MCTP2: variants seen among roughly 807,000 people sequenced by gnomAD.
MCTP2 encodes multiple C2 and transmembrane domain containing 2.
In MCTP2, 132 loss-of-function variants were observed where a neutral mutation model predicts 111.6. The observed-to-expected ratio is 1.18, with a 90% CI of 1.03 to 1.37. MCTP2 has a LOEUF of 1.37. MCTP2 is among the 40% of genes most tolerant of loss of function. The pLI is 0.00. For synonymous variants in MCTP2, 395 were observed against 387.7 expected (o/e 1.02, Z -0.22); for missense variants, 1,183 against 1,067.9 (o/e 1.11, Z -1.50).
intron 17 of MCTP2, among the ~76,000 whole-genome samples, chr15:94,415,231 G>A (rs545893164): frequency 6.6e-6 from 1 of 152,252 alleles, no homozygotes; most frequent in African/African-American, 2.4e-5. Flanking sequence ...TAAACAGTCA[G>A]GAAAGGTGAC....
chr15:94,402,560 A>G (rs1340312067), intron 17 of MCTP2: 1 of 1,551,678 alleles, frequency 6.4e-7, no homozygotes, highest in South Asian at 1.2e-5. Context: ...CCTTATGAGC[A>G]TAATAAAATC....
chr15:94,243,316 C>CGT (rs1369386214), intron 1 of MCTP2, among the ~76,000 whole-genome samples: 4 of 128,574 alleles, frequency 3.1e-5, no homozygotes, highest in Non-Finnish European at 5.2e-5. Flanking sequence ...CATACGTATG[C>CGT]GTACATACGT....
At chr15:94,360,806 C>G (rs2078888662) in intron 10 of MCTP2, among the ~76,000 whole-genome samples, 1 of 150,772 alleles carries the variant, frequency 6.6e-6, no homozygotes, top group African/African-American at 2.4e-5. Context: ...AGACATATAC[C>G]TGTCTTGGTG....
At chr15:94,476,877 T>G in intron 22 of MCTP2, 84 bp downstream of exon 22, 1 of 793,166 alleles carries the variant, frequency 1.3e-6, no homozygotes, top group Non-Finnish European at 2.1e-6. Flanking sequence ...AAGGCTTTGC[T>G]TGTGTGAGTA....
chr15:94,363,019 A>G (rs1596475869), intron 10 of MCTP2, among the ~76,000 whole-genome samples: 1 of 152,334 alleles, frequency 6.6e-6, no homozygotes, highest in African/African-American at 2.4e-5. Flanking sequence ...TAAATCTAAG[A>G]GGCACCTAGT....
At chr15:94,451,770 T>G (rs1457955027) in intron 19 of MCTP2, among the ~76,000 whole-genome samples, 1 of 152,220 alleles carries the variant, frequency 6.6e-6, no homozygotes, top group Non-Finnish European at 1.5e-5. Flanking sequence ...CTGCAGACGA[T>G]CTTTCATACA....
chr15:94,446,419 A>T (rs1567723897), intron 19 of MCTP2, among the ~76,000 whole-genome samples: 1 of 152,316 alleles, frequency 6.6e-6, no homozygotes, highest in East Asian at 1.9e-4. Context: ...GAATCCTTCC[A>T]TGTGGACCTT....
At chr15:94,261,119 C>G (rs577228898) in intron 1 of MCTP2, among the ~76,000 whole-genome samples, 1 of 152,138 alleles carries the variant, frequency 6.6e-6, no homozygotes, top group Non-Finnish European at 1.5e-5. Context: ...CCTCACCACC[C>G]ACCCCTGCTT....
rs767922559 is a variant in MCTP2, at chr15:94,356,227, A to T, written c.1096A>T (p.Lys366Ter). 2.5e-6 allele frequency: 4 copies of T among 1,613,504 alleles called. No homozygotes were observed. The African/African-American group carries it at 5.3e-5, about 22-fold the overall frequency. ...GIISITLLEG[K>*]NVSGGSMTEM... is the part of the protein sequence containing the mutation. ...TATAAGTATAACTTTGTTGGAAGGG[A>T]AGAATGTCTCAGGAGGAAGCATGAC... The change falls in exon 9 of 23, where the codon AAG (lysine) becomes TAG (stop). Residue 366 changes from lysine (K) to a stop codon, truncating the protein, a stop_gained. Coordinates refer to ENST00000357742, the MANE Select transcript of MCTP2 (RefSeq NM_001385001.1). LOFTEE classifies it high-confidence loss of function.
chr15:94,311,027 T>TA (rs150996990), intron 2 of MCTP2, among the ~76,000 whole-genome samples: 23,937 of 149,146 alleles, frequency 0.16, 2,306 homozygotes, highest in Admixed American at 0.3. Context: ...TTTTTTTTTT[T>TA]TTTTTTTTTA....
At chr15:94,317,529 C>T (rs1473331114) in intron 4 of MCTP2, among the ~76,000 whole-genome samples, 2 of 152,192 alleles carry the variant, frequency 1.3e-5, no homozygotes, top group Non-Finnish European at 2.9e-5. Flanking sequence ...CAGTGCTGGC[C>T]CATCCAGCTC....
chr15:94,464,102 C>CT (rs1274640801), intron 20 of MCTP2, among the ~76,000 whole-genome samples: 1 of 150,270 alleles, frequency 6.7e-6, no homozygotes, highest in Non-Finnish European at 1.5e-5. Context: ...GGTTCTCTGT[C>CT]TTTTTTCTGG....
chr15:94,458,000 A>G, intron 19 of MCTP2, 137 bp from the exon 20 acceptor site: 1 of 579,680 alleles, frequency 1.7e-6, no homozygotes, highest in Non-Finnish European at 3.1e-6. Context: ...TCAATATTTA[A>G]GTTGTAAAAC....
In MCTP2 at chr15:94,469,918, G is replaced by A. The variant is rs293582; in HGVS notation, c.2361-415G>A. Reference sequence around the variant, plus strand: ...AAAAGTTCTCCCTTTTCTGGTAAAGGAAAGGTTACCATAATTACTAGTAAC... The same window carrying A: ...AAAAGTTCTCCCTTTTCTGGTAAAGAAAAGGTTACCATAATTACTAGTAAC... On this transcript the variant is annotated intron_variant, in intron 20 of 22. Transcript: ENST00000357742. Among the ~76,000 whole-genome samples, 320 of 152,192 alleles carry A rather than the reference G, an allele frequency of 2.1e-3. 1 individual carries two copies. Among genetic ancestry groups the A allele is most frequent in the Admixed American group, 3.4e-3 (52 of 15,284 alleles).
chr15:94,476,739 C>A lies in MCTP2; in HGVS notation c.2514C>A (p.Ile838=), dbSNP rs151286458. 4 of 1,609,448 alleles carry A rather than the reference C, an allele frequency of 2.5e-6. No individual in the cohort carries two copies. The African/African-American group carries it at 5.4e-5, about 22-fold the overall frequency. Residue 838 remains isoleucine, a synonymous_variant, in exon 22 of 23, where the codon ATC becomes ATA. Coordinates refer to ENST00000357742, the MANE Select transcript of MCTP2 (RefSeq NM_001385001.1). Reference sequence around the variant, plus strand: ...AGAAGCTTCGAAATCCCTATTCCATCGACAATAATGAGCTACTAGACTTCC... The same window carrying A: ...AGAAGCTTCGAAATCCCTATTCCATAGACAATAATGAGCTACTAGACTTCC... ...FTKKLRNPYS[I]DNNELLDFLS... is the part of the protein sequence containing the mutation.
Position 94,356,160 on chromosome 15 carries a change from GCTCT to G in MCTP2, c.1032_1035del (p.Glu346ProfsTer2). On this transcript the variant is annotated frameshift_variant, in exon 9 of 23. Transcript: ENST00000357742. LOFTEE classifies it high-confidence loss of function. ...AGTCCTCTTTGATACGCAACCTACG[GCTCT>G]CTGAGTCCTTGAAAAAGAACCAACT... 1 of 1,609,932 alleles carries G rather than the reference GCTCT, an allele frequency of 6.2e-7. No individual in the cohort carries two copies.
At chr15:94,462,393 C>T (rs1481550640) in intron 20 of MCTP2, among the ~76,000 whole-genome samples, 1 of 152,150 alleles carries the variant, frequency 6.6e-6, no homozygotes, top group East Asian at 1.9e-4. Context: ...AGGGAGCTCC[C>T]AAGTGAGGAA....
chr15:94,464,315 CTGTAAAT>C (rs1292420376), intron 20 of MCTP2, among the ~76,000 whole-genome samples: 1 of 85,958 alleles, frequency 1.2e-5, no homozygotes, highest in Non-Finnish European at 2.4e-5. Context: ...ATCTCTGTTT[CTGTAAAT>C]TGTAATTTTC....
At chr15:94,422,388 ACT>A (rs949793688) in intron 17 of MCTP2, among the ~76,000 whole-genome samples, 1 of 151,686 alleles carries the variant, frequency 6.6e-6, no homozygotes, top group Admixed American at 6.6e-5. Context: ...TCCCCACGTG[ACT>A]CTACACAGTT....
Sources: gnomAD v4.1 joint callset for allele counts (sites outside exome capture counted in the v4.1 genomes callset) on GRCh38, gnomAD v4.1.1 for gene constraint, MANE v1.5 for transcripts, NCBI Gene and HGNC (gene_info 2026-07-23, HGNC 2026-07-21) for gene names.